Variants in PDZD8 observed in about 807,000 individuals in gnomAD.
The protein encoded by PDZD8 is PDZ domain-containing protein 8.
In PDZD8, 14 loss-of-function variants were observed where a neutral mutation model predicts 85.8. The observed-to-expected ratio is 0.16, with a 90% confidence interval of 0.11 to 0.26. The LOEUF (loss-of-function observed/expected upper bound fraction) is 0.26, where lower values mean the gene tolerates loss of function less well. Ranked by LOEUF, PDZD8 falls within the 10% of genes least tolerant of loss-of-function variation. The pLI, the probability that PDZD8 is intolerant of heterozygous loss-of-function variation, is 1.00. For synonymous variants in PDZD8, 592 were observed against 568.6 expected (o/e 1.04, Z -0.59); for missense variants, 1,197 against 1,424.3 (o/e 0.84, Z 2.57).
chr10:117,354,214 C>G (rs1334528606), intron 1 of PDZD8, among the ~76,000 whole-genome samples: 1 of 152,106 alleles, frequency 6.6e-6, no homozygotes, highest in East Asian at 1.9e-4. Flanking sequence ...AAATTGTTTC[C>G]TTTTCTTAAA....
chr10:117,366,577 CACT>C (rs1323260060), intron 1 of PDZD8, among the ~76,000 whole-genome samples: 2 of 147,512 alleles, frequency 1.4e-5, no homozygotes, highest in Non-Finnish European at 3.0e-5. Flanking sequence ...CCACCACCAC[CACT>C]GTCACCACCA....
intron 2 of PDZD8, among the ~76,000 whole-genome samples, chr10:117,322,883 T>C (rs949344191): frequency 3.9e-5 from 6 of 152,304 alleles, no homozygotes; most frequent in African/African-American, 7.2e-5. Flanking sequence ...CAATGAAGTA[T>C]ACTGTAGAAA....
intron 3 of PDZD8, among the ~76,000 whole-genome samples, chr10:117,305,434 C>A (rs1174924116): frequency 1.7e-5 from 2 of 117,788 alleles, no homozygotes; most frequent in African/African-American, 3.0e-5. Flanking sequence ...AACAAACAAA[C>A]AAAATACACA....
chr10:117,358,550 TAATACCCACCA>T (rs1483135500), intron 1 of PDZD8, among the ~76,000 whole-genome samples: 2 of 152,158 alleles, frequency 1.3e-5, no homozygotes, highest in Admixed American at 1.3e-4. Flanking sequence ...CACCTATTTT[TAATACCCACCA>T]TCCCTTATCT....
intron 3 of PDZD8, among the ~76,000 whole-genome samples, chr10:117,304,550 G>T (rs1248199583): frequency 6.6e-6 from 1 of 152,030 alleles, no homozygotes; most frequent in African/African-American, 2.4e-5. Flanking sequence ...GGAGGGGCCA[G>T]GGGGGAATGA....
At chr10:117,318,020 AATAC>A (rs1309655505) in intron 3 of PDZD8, among the ~76,000 whole-genome samples, 18 of 152,356 alleles carry the variant, frequency 1.2e-4, no homozygotes, top group African/African-American at 4.3e-4. Context: ...CACAACAGTT[AATAC>A]ATAAATAAAT....
At chr10:117,329,407 A>C (rs937397895) in intron 2 of PDZD8, among the ~76,000 whole-genome samples, 1 of 152,222 alleles carries the variant, frequency 6.6e-6, no homozygotes, top group Non-Finnish European at 1.5e-5. Flanking sequence ...GCATAAATAC[A>C]AACACCACCT....
intron 1 of PDZD8, among the ~76,000 whole-genome samples, chr10:117,346,603 A>G (rs2133856061): frequency 6.6e-6 from 1 of 152,248 alleles, no homozygotes; most frequent in African/African-American, 2.4e-5. Context: ...TCTCTAACAG[A>G]AAGCAGCCAC....
chr10:117,305,734 G>A (rs745696018), intron 3 of PDZD8, among the ~76,000 whole-genome samples: 2 of 152,070 alleles, frequency 1.3e-5, no homozygotes, highest in Non-Finnish European at 2.9e-5. Flanking sequence ...CTTGTATAAC[G>A]CCTAAATTTT....
chr10:117,368,851 GT>G (rs3034161), intron 1 of PDZD8, among the ~76,000 whole-genome samples: 3,886 of 98,698 alleles, frequency 0.039, 153 homozygotes, highest in African/African-American at 0.13. Context: ...TATTGACAAT[GT>G]TTTTTTTTTT....
intron 2 of PDZD8, among the ~76,000 whole-genome samples, chr10:117,327,751 T>C (rs1196473400): frequency 1.3e-5 from 2 of 152,238 alleles, no homozygotes; most frequent in South Asian, 2.1e-4. Flanking sequence ...CTTTTTTCCA[T>C]GATGAAAATA....
intron 2 of PDZD8, among the ~76,000 whole-genome samples, chr10:117,337,266 T>C (rs1360560902): frequency 1.3e-5 from 2 of 152,140 alleles, no homozygotes; most frequent in Admixed American, 6.5e-5. Flanking sequence ...AGACAGAAGA[T>C]AGACTATAAA....
In PDZD8 at chr10:117,283,186, G is replaced by T; in HGVS notation, c.*82C>A. Reference sequence around the variant, plus strand: ...TGGAGAAGCAGGCCAGAGTGCATACGAGGATTTAAACATGGTTGTATCTGT... The same window carrying T: ...TGGAGAAGCAGGCCAGAGTGCATACTAGGATTTAAACATGGTTGTATCTGT... On this transcript the variant is annotated 3_prime_UTR_variant, in exon 5 of 5. Coordinates refer to ENST00000334464, the MANE Select transcript of PDZD8 (RefSeq NM_173791.5). 1 of 1,380,902 alleles carries T rather than the reference G, an allele frequency of 7.2e-7. No individual in the cohort carries two copies. The highest frequency in any genetic ancestry group is 1.4e-5 in the South Asian group (1 of 70,970). 85.5% of individuals were successfully genotyped at this position (1,380,902 alleles called of 1,614,324 possible).
chr10:117,356,653 T>C (rs150846389), intron 1 of PDZD8, among the ~76,000 whole-genome samples: 7 of 152,352 alleles, frequency 4.6e-5, no homozygotes, highest in African/African-American at 1.7e-4. Context: ...TAGGCTGGTG[T>C]GATAAGAGAA....
intron 1 of PDZD8, among the ~76,000 whole-genome samples, chr10:117,368,851 G>GTTT (rs3034161): frequency 2.1e-3 from 210 of 99,058 alleles, no homozygotes; most frequent in Non-Finnish European, 3.3e-3. Flanking sequence ...TATTGACAAT[G>GTTT]TTTTTTTTTT....
chr10:117,294,373 GGAA>G (rs909068148), intron 3 of PDZD8, among the ~76,000 whole-genome samples: 1 of 151,826 alleles, frequency 6.6e-6, no homozygotes, highest in Non-Finnish European at 1.5e-5. Flanking sequence ...ACAAGGATGT[GGAA>G]GAAGAGGAAC....
intron 2 of PDZD8, among the ~76,000 whole-genome samples, chr10:117,332,500 G>GTT (rs746193302): frequency 6.8e-5 from 6 of 88,410 alleles, no homozygotes; most frequent in African/African-American, 2.2e-4. Flanking sequence ...TTCTGTAAGG[G>GTT]TTTTTTTTTT....
chr10:117,304,555 G>A (rs1481780657), intron 3 of PDZD8, among the ~76,000 whole-genome samples: 2 of 152,060 alleles, frequency 1.3e-5, no homozygotes, highest in Middle Eastern at 3.2e-3. Context: ...GGCCAGGGGG[G>A]AATGATATGG....
At chr10:117,336,501 G>A (rs995478421) in intron 2 of PDZD8, among the ~76,000 whole-genome samples, 9 of 152,118 alleles carry the variant, frequency 5.9e-5, no homozygotes, top group Non-Finnish European at 2.9e-5. Flanking sequence ...TAGTCATGGT[G>A]GAACATGCCT....
Sources: allele counts gnomAD v4.1 joint callset (sites outside exome capture counted in the v4.1 genomes callset), GRCh38; gene constraint gnomAD v4.1.1; transcripts MANE v1.5; gene names NCBI Gene and HGNC (gene_info 2026-07-23, HGNC 2026-07-21).